PREPL: variants seen among roughly 807,000 people sequenced by gnomAD.
The protein encoded by PREPL is prolyl endopeptidase like.
PREPL carries 77 observed loss-of-function variants against 70.6 expected under a neutral mutation model. The ratio of observed to expected loss-of-function variants is 1.09; its 90% CI spans 0.91 to 1.32. PREPL has a LOEUF of 1.32. Ranked by LOEUF, PREPL falls within the 40% of genes most tolerant of loss-of-function variation. The pLI is 0.00. For missense variants in PREPL, 1,002 were observed against 778.2 expected, an observed-to-expected ratio of 1.29 and a Z score of -3.42; for synonymous variants, 315 against 264.8, an observed-to-expected ratio of 1.19 and a Z score of -1.84.
At chr2:44,334,660 CT>C (rs1185055525) in intron 7 of PREPL, among the ~76,000 whole-genome samples, 1 of 152,230 alleles carries the variant, frequency 6.6e-6, no homozygotes, top group African/African-American at 2.4e-5. Flanking sequence ...ACTCTCCTGC[CT>C]CAGCCTCCAG....
intron 9 of PREPL, among the ~76,000 whole-genome samples, chr2:44,327,851 A>C (rs1350177328): frequency 6.6e-6 from 1 of 151,976 alleles, no homozygotes; most frequent in African/African-American, 2.4e-5. Context: ...AGACAGAGTG[A>C]GACTCCATCT....
rs192955627 is a variant in PREPL at position 44,343,841 on chromosome 2, T to C, written c.253A>G (p.Ile85Val). 3 of 1,613,994 alleles carry C rather than the reference T, an allele frequency of 1.9e-6. No homozygotes were observed. Among genetic ancestry groups the C allele is most frequent in the East Asian group, 4.5e-5 (2 of 44,874 alleles). ...GATGCTTCAGAATCTTCAGTTCTTA[T>C]CTTGGCAGCCACATATTTTTCATCT... is the stretch of plus-strand genomic sequence containing the variant. The part of the protein sequence containing the change: ...APDEKYVAAK[I>V]RTEDSEASTC... Residue 85 changes from isoleucine to valine, a missense_variant, in exon 4 of 14, where the codon ATA (isoleucine) becomes GTA (valine). Physicochemically the swap from Ile to Val is conservative, Grantham distance 29. Coordinates refer to ENST00000409411, the MANE Select transcript of PREPL (RefSeq NM_001171613.2).
At chr2:44,328,881 T>G in intron 9 of PREPL, 56 bp downstream of exon 9, 1 of 1,461,504 alleles carries the variant, frequency 6.8e-7, no homozygotes, top group Non-Finnish European at 9.2e-7. Context: ...TTGTTATTCT[T>G]GACATCTCTC....
chr2:44,352,350 G>A (rs1205752761), intron 1 of PREPL, among the ~76,000 whole-genome samples: 1 of 151,900 alleles, frequency 6.6e-6, no homozygotes, highest in Non-Finnish European at 1.5e-5. Flanking sequence ...TGCAACCTCT[G>A]CCTCCTGGGC....
chr2:44,324,289 C>A (rs946672552), intron 10 of PREPL, among the ~76,000 whole-genome samples: 3 of 152,122 alleles, frequency 2.0e-5, no homozygotes, highest in Non-Finnish European at 4.4e-5. Flanking sequence ...TACAGGGTTT[C>A]AGTTTTGTTA....
intron 5 of PREPL, among the ~76,000 whole-genome samples, chr2:44,341,192 T>A (rs1286172006): frequency 6.6e-6 from 1 of 152,122 alleles, no homozygotes; most frequent in African/African-American, 2.4e-5. Flanking sequence ...GTTCTTTAAA[T>A]CTCTTAGGAA....
chr2:44,325,875 C>T (rs6544760), intron 10 of PREPL, among the ~76,000 whole-genome samples: 117,396 of 152,168 alleles, frequency 0.77, 46,297 homozygotes, highest in African/African-American at 0.87. Flanking sequence ...CCAACTGCTA[C>T]AATGTAACTT....
chr2:44,329,668 TA>T (rs1022334226), intron 8 of PREPL, among the ~76,000 whole-genome samples: 1 of 152,082 alleles, frequency 6.6e-6, no homozygotes, highest in African/African-American at 2.4e-5. Flanking sequence ...TTAACTTTAT[TA>T]AAAAAAATTT....
Position 44,320,688 on chromosome 2 carries a change from G to T in PREPL, c.*668C>A. On this transcript the variant is annotated 3_prime_UTR_variant, in exon 14 of 14. Coordinates refer to ENST00000409411, the MANE Select transcript of PREPL (RefSeq NM_001171613.2). ...CACTGGCATTTCAGTGGGATTGTAA[G>T]CATTTGTAATAGCTTCATGTACAGC... 1 of 1,424,468 alleles carries T rather than the reference G, an allele frequency of 7.0e-7. No homozygotes were observed. Among genetic ancestry groups the T allele is most frequent in the Non-Finnish European group, 9.9e-7 (1 of 1,007,946 alleles). 88.2% of individuals were successfully genotyped at this position (1,424,468 alleles called of 1,614,324 possible).
chr2:44,339,983 T>A (rs948371365), intron 5 of PREPL, among the ~76,000 whole-genome samples: 1 of 152,164 alleles, frequency 6.6e-6, no homozygotes, highest in Non-Finnish European at 1.5e-5. Flanking sequence ...TTTTACTTTT[T>A]AAATTTTTCC....
At chr2:44,349,502 C>T (rs926949959) in intron 1 of PREPL, among the ~76,000 whole-genome samples, 6 of 151,978 alleles carry the variant, frequency 3.9e-5, no homozygotes, top group African/African-American at 1.4e-4. Flanking sequence ...CAATATGAAG[C>T]ATTTCAATTT....
At position 44,323,368 on chromosome 2, in the gene PREPL, A is replaced by AGT. The variant is rs1355856142; in HGVS notation, c.1521_1522dup (p.Leu508HisfsTer4). 1.1e-5 allele frequency: 18 copies of AGT among 1,606,964 alleles called. No homozygotes were observed. The highest frequency in any genetic ancestry group is 1.4e-5 in the Non-Finnish European group (17 of 1,174,210). On this transcript the variant is annotated frameshift_variant, in exon 11 of 14. Transcript: ENST00000409411. LOFTEE classifies it high-confidence loss of function. ...TTCTAATTCTTCTAATGTCAGAGGA[A>AGT]GTGTAGTGTCCATCATGGTGTTGAG...
chr2:44,351,425 G>A (rs750175597), intron 1 of PREPL, among the ~76,000 whole-genome samples: 82 of 151,316 alleles, frequency 5.4e-4, no homozygotes, highest in Non-Finnish European at 9.1e-4. Context: ...ATATCCAACT[G>A]ACTACCCAAC....
Position 44,320,337 on chromosome 2 carries a change from C to T in PREPL, c.*1019G>A, listed in dbSNP as rs765436747. ...CCACTATGTTGTGTACACAAGAGAG[C>T]TGGATGGCATCGACAGAATCTTTAT... On this transcript the variant is annotated 3_prime_UTR_variant, in exon 14 of 14. Transcript: ENST00000409411. The T allele has an allele frequency of 8.1e-6, 13 of 1,614,128 alleles. No individual in the cohort carries two copies. The Admixed American group carries it at 2.2e-4, about 27-fold the overall frequency.
Position 44,338,482 on chromosome 2 carries a change from T to C in PREPL, c.757A>G (p.Thr253Ala). 1 of 1,612,440 alleles carries C rather than the reference T, an allele frequency of 6.2e-7. No homozygotes were observed. The highest frequency in any genetic ancestry group is 2.2e-5 in the East Asian group (1 of 44,874). Residue 253 changes from threonine (T) to alanine (A), a missense_variant, in exon 7 of 14, where the codon ACA (threonine) becomes GCA (alanine). Thr to Ala is a moderately conservative substitution (Grantham distance 58). Coordinates refer to ENST00000409411, the MANE Select transcript of PREPL (RefSeq NM_001171613.2). Reference protein sequence around the residue: ...PAIMNWDLFFTMKRNTKVIDL... With the variant: ...PAIMNWDLFFAMKRNTKVIDL... The stretch of plus-strand genomic sequence containing the variant: ...ATCACTTTTGTATTTCTCTTCATTG[T>C]AAAAAATAAATCCCAATTCATAATT...
intron 1 of PREPL, among the ~76,000 whole-genome samples, chr2:44,348,104 G>A (rs1478282096): frequency 6.6e-6 from 1 of 151,966 alleles, no homozygotes; most frequent in African/African-American, 2.4e-5. Context: ...TGCCCAGGCT[G>A]GACTCAAACT....
chr2:44,334,138 C>G (rs1172847545), intron 7 of PREPL, among the ~76,000 whole-genome samples: 3 of 152,188 alleles, frequency 2.0e-5, no homozygotes, highest in Non-Finnish European at 4.4e-5. Flanking sequence ...TAAGTATTAA[C>G]TAACTCAAGG....
Position 44,353,718 on chromosome 2 carries a change from T to C in PREPL, c.-48-7328A>G, listed in dbSNP as rs113377349. Among the ~76,000 whole-genome samples, 546 of 152,284 alleles carry C rather than the reference T, an allele frequency of 3.6e-3. 2 individuals are homozygous for C. Among genetic ancestry groups the C allele is most frequent in the African/African-American group, 0.012 (507 of 41,560 alleles). ...AGTCAAGAATAAACCATTGAATTTA[T>C]GGTCAGTTGATTTTCAGAAAGGACA... is the stretch of plus-strand genomic sequence containing the variant. On this transcript the variant is annotated intron_variant, in intron 1 of 13. Transcript: ENST00000409411.
In PREPL at chr2:44,338,397, T is replaced by A. The variant is rs1157700543; in HGVS notation, c.842A>T (p.Tyr281Phe). ...ATCAGCCAGACCAATCACATTAACA[T>A]AAAGGAGATTGCTGTGCTTCAGAAA... ...VLFLKHSNLL[Y>F]VNVIGLADDS... Residue 281 changes from tyrosine to phenylalanine, a missense_variant, in exon 7 of 14, where the codon TAT becomes TTT. Tyr to Phe is a conservative substitution (Grantham distance 22). Transcript: ENST00000409411. 6.2e-7 allele frequency: 1 copy of A among 1,613,552 alleles called. No homozygotes were observed. Among genetic ancestry groups the A allele is most frequent in the Non-Finnish European group, 8.5e-7 (1 of 1,179,846 alleles).
Sources: gnomAD v4.1 joint callset for allele counts (sites outside exome capture counted in the v4.1 genomes callset) on GRCh38, gnomAD v4.1.1 for gene constraint, MANE v1.5 for transcripts, NCBI Gene and HGNC (gene_info 2026-07-23, HGNC 2026-07-21) for gene names.